The following FAM107B variants were observed in gnomAD, a reference collection of about 807,000 sequenced individuals.
FAM107B encodes the protein protein FAM107B.
In FAM107B, 21 loss-of-function variants were observed where a neutral mutation model predicts 31.5. That is an observed-to-expected ratio of 0.67 (90% CI 0.47 to 0.96). FAM107B has a LOEUF of 0.96. Ranked by LOEUF, FAM107B falls within the 40% of genes least tolerant of loss-of-function variation. FAM107B has a pLI of 0.00. For synonymous variants in FAM107B, 157 were observed against 141.5 expected, an observed-to-expected ratio of 1.11 and a Z score of -0.78; for missense variants, 452 against 377.1, an observed-to-expected ratio of 1.20 and a Z score of -1.64.
chr10:14,633,194 CAAAAAAAA>C (rs60159128), intron 2 of FAM107B, among the ~76,000 whole-genome samples: 1 of 123,752 alleles, frequency 8.1e-6, no homozygotes. Context: ...GACTCTGTCT[CAAAAAAAA>C]AAAAAAAAAT....
intron 1 of FAM107B, among the ~76,000 whole-genome samples, chr10:14,746,794 GTATC>G (rs1832734688): frequency 6.6e-6 from 1 of 152,116 alleles, no homozygotes; most frequent in Non-Finnish European, 1.5e-5. Context: ...TTCTCATGGA[GTATC>G]TTACTGGGGT....
At chr10:14,694,299 T>C (rs2131513875) in intron 1 of FAM107B, among the ~76,000 whole-genome samples, 1 of 152,364 alleles carries the variant, frequency 6.6e-6, no homozygotes, top group Middle Eastern at 3.4e-3. Context: ...CCATATTGTC[T>C]TCCATAATGG....
intron 1 of FAM107B, among the ~76,000 whole-genome samples, chr10:14,719,544 T>A (rs1855862934): frequency 6.6e-6 from 1 of 152,210 alleles, no homozygotes; most frequent in Admixed American, 6.5e-5. Context: ...ATTTGCCAAC[T>A]TGCTCTCAGC....
chr10:14,765,542 A>G lies in FAM107B; in HGVS notation c.411+8711T>C, dbSNP rs186647081. ...TCTTTTGAAAGTAGAAAGCTGGCAT[A>G]AGAAGTGATCAGGGCTGAAATGGAA... On this transcript the variant is annotated intron_variant, in intron 1 of 4. Coordinates refer to ENST00000181796, the MANE Select transcript of FAM107B (RefSeq NM_031453.4). Among the ~76,000 whole-genome samples, 429 of 152,332 alleles carry G rather than the reference A, an allele frequency of 2.8e-3. 1 individual carries two copies. The highest frequency in any genetic ancestry group is 9.8e-3 in the African/African-American group (409 of 41,568).
chr10:14,583,016 G>T (rs1851697611), intron 2 of FAM107B, among the ~76,000 whole-genome samples: 1 of 151,578 alleles, frequency 6.6e-6, no homozygotes, highest in Admixed American at 6.6e-5. Context: ...AACCCAGCGG[G>T]GTGGAGGCTG....
At chr10:14,606,575 A>G (rs187004188) in intron 2 of FAM107B, among the ~76,000 whole-genome samples, 1 of 152,296 alleles carries the variant, frequency 6.6e-6, no homozygotes, top group East Asian at 1.9e-4. Flanking sequence ...TGGAGACAGG[A>G]CCTATAGGGA....
In FAM107B at chr10:14,628,112, G is replaced by GTTTTTTTTTTTTTTTTTTTTTTTTT. The variant is rs71505033; in HGVS notation, c.469+39521_469+39522insAAAAAAAAAAAAAAAAAAAAAAAAA. 4.5e-4 allele frequency among the ~76,000 whole-genome samples: 42 copies of GTTTTTTTTTTTTTTTTTTTTTTTTT among 92,684 alleles called. 4 individuals are homozygous for GTTTTTTTTTTTTTTTTTTTTTTTTT. Among genetic ancestry groups the GTTTTTTTTTTTTTTTTTTTTTTTTT allele is most frequent in the South Asian group, 9.1e-4 (2 of 2,190 alleles). 60.8% of individuals were successfully genotyped at this position (92,684 alleles called of 152,430 possible). A position where few individuals can be genotyped will look rare whatever the true frequency, so the allele number is the denominator to read the frequency against. On this transcript the variant is annotated intron_variant, in intron 2 of 4. Coordinates refer to ENST00000181796, the MANE Select transcript of FAM107B (RefSeq NM_031453.4). ...TCCTTGTTTGTTTTTTGTTTTGCTG[G>GTTTTTTTTTTTTTTTTTTTTTTTTT]TTTTTTTTTTTTTTTTTTTTTGAGA...
chr10:14,675,692 C>A (rs896177523), intron 1 of FAM107B, among the ~76,000 whole-genome samples: 1 of 151,826 alleles, frequency 6.6e-6, no homozygotes, highest in Non-Finnish European at 1.5e-5. Context: ...AAACATCTTA[C>A]AGTGGATAGC....
chr10:14,575,270 C>T (rs1349967137), intron 2 of FAM107B, among the ~76,000 whole-genome samples: 1 of 151,794 alleles, frequency 6.6e-6, no homozygotes, highest in African/African-American at 2.4e-5. Flanking sequence ...GTGGTGCACT[C>T]TTGGCTCACT....
intron 1 of FAM107B, among the ~76,000 whole-genome samples, chr10:14,696,683 G>A (rs919579619): frequency 3.9e-5 from 6 of 152,124 alleles, no homozygotes; most frequent in African/African-American, 1.4e-4. Context: ...TTTGCAGTGT[G>A]TTTACAGTAA....
At chr10:14,555,564 G>A (rs1175344892) in intron 2 of FAM107B, among the ~76,000 whole-genome samples, 2 of 152,108 alleles carry the variant, frequency 1.3e-5, no homozygotes, top group African/African-American at 4.8e-5. Context: ...CCATTAGCAA[G>A]AAATAAATTT....
At chr10:14,572,754 T>C (rs940623632) in intron 2 of FAM107B, among the ~76,000 whole-genome samples, 2 of 142,000 alleles carry the variant, frequency 1.4e-5, no homozygotes, top group African/African-American at 5.2e-5. Flanking sequence ...TATATATATA[T>C]ATATATTAGA....
intron 1 of FAM107B, among the ~76,000 whole-genome samples, chr10:14,744,163 G>A (rs1047608338): frequency 2.0e-5 from 3 of 152,090 alleles, no homozygotes; most frequent in Admixed American, 6.5e-5. Context: ...TATTGTTGGT[G>A]CATAGGAATG....
intron 1 of FAM107B, among the ~76,000 whole-genome samples, chr10:14,712,676 G>C (rs193288203): frequency 6.6e-6 from 1 of 151,990 alleles, no homozygotes; most frequent in Non-Finnish European, 1.5e-5. Context: ...CTTTGATGCA[G>C]TAATTCTAAG....
intron 2 of FAM107B, among the ~76,000 whole-genome samples, chr10:14,661,890 C>T (rs1015580804): frequency 2.6e-5 from 4 of 152,198 alleles, no homozygotes; most frequent in African/African-American, 4.8e-5. Context: ...TGTGCCTTCT[C>T]GCTGACATGC....
chr10:14,649,315 C>T (rs1269255786), intron 2 of FAM107B, among the ~76,000 whole-genome samples: 1 of 152,190 alleles, frequency 6.6e-6, no homozygotes, highest in Admixed American at 6.5e-5. Flanking sequence ...TTTGAAATGG[C>T]ACTGCAAAGC....
intron 1 of FAM107B, among the ~76,000 whole-genome samples, chr10:14,671,812 C>T (rs1314233174): frequency 6.7e-6 from 1 of 150,264 alleles, no homozygotes; most frequent in Non-Finnish European, 1.5e-5. Flanking sequence ...TCAGCCACGC[C>T]TGAAGCAAGA....
intron 2 of FAM107B, among the ~76,000 whole-genome samples, chr10:14,573,548 T>C (rs1851360152): frequency 1.5e-5 from 2 of 135,228 alleles, no homozygotes; most frequent in South Asian, 2.3e-4. Flanking sequence ...ACAACCAACA[T>C]GGTGAAACCC....
intron 1 of FAM107B, among the ~76,000 whole-genome samples, chr10:14,684,989 T>C (rs1009009471): frequency 1.3e-5 from 2 of 151,878 alleles, no homozygotes; most frequent in African/African-American, 4.8e-5. Context: ...CCTGGCTAAT[T>C]TTTAAATTAT....
Sources: allele counts gnomAD v4.1 joint callset (sites outside exome capture counted in the v4.1 genomes callset), GRCh38; gene constraint gnomAD v4.1.1; transcripts MANE v1.5; gene names NCBI Gene and HGNC (gene_info 2026-07-23, HGNC 2026-07-21).